The following APBB2 variants were observed in gnomAD, a reference collection of about 807,000 sequenced individuals.
APBB2 encodes the protein amyloid beta precursor protein binding family B member 2.
A neutral mutation model predicts 82.5 loss-of-function variants in APBB2; 38 were observed. The ratio of observed to expected loss-of-function variants is 0.46; its 90% confidence interval spans 0.36 to 0.60. APBB2 has a LOEUF of 0.60. Among genes scored for constraint, APBB2 ranks in the 20% least tolerant of loss-of-function variants. APBB2 has a pLI of 0.00. For missense variants in APBB2, 772 were observed against 972.3 expected, an observed-to-expected ratio of 0.79 and a Z score of 2.74; for synonymous variants, 341 against 368.2, an observed-to-expected ratio of 0.93 and a Z score of 0.85.
At chr4:40,821,788 G>T (rs560933736) in intron 17 of APBB2, 83 bp downstream of exon 17, 13 of 1,487,048 alleles carry the variant, frequency 8.7e-6, no homozygotes, top group East Asian at 2.3e-5. Context: ...TTTCATTTCC[G>T]TGAGTGATTC....
chr4:40,946,445 C>T (rs115738117), intron 6 of APBB2, among the ~76,000 whole-genome samples: 2,170 of 136,754 alleles, frequency 0.016, 47 homozygotes, highest in African/African-American at 0.051. Context: ...TTAAACACTG[C>T]GATGGCCAAA....
intron 5 of APBB2, among the ~76,000 whole-genome samples, chr4:41,029,363 C>T (rs1341060854): frequency 6.6e-6 from 1 of 152,174 alleles, no homozygotes. Context: ...ACAAAAGAGG[C>T]AAAAGTTATC....
chr4:40,865,964 TG>T (rs1163784189), intron 12 of APBB2, among the ~76,000 whole-genome samples: 1 of 152,218 alleles, frequency 6.6e-6, no homozygotes, highest in Non-Finnish European at 1.5e-5. Context: ...TGCCAACTGC[TG>T]GTGAGGATGC....
chr4:41,104,175 T>C (rs562375907), intron 2 of APBB2, among the ~76,000 whole-genome samples: 205 of 152,342 alleles, frequency 1.3e-3, no homozygotes, highest in African/African-American at 4.8e-3. Context: ...AACTTCCAGT[T>C]TGAGGAGTTT....
Position 41,110,277 on chromosome 4 carries a change from G to A in APBB2, c.-260-9527C>T, listed in dbSNP as rs148189579. ...TGAAATGATTACACATGGCACAGTC[G>A]TGTTTCTCAACAAGGTTGTCGTACC... is the stretch of plus-strand genomic sequence containing the variant. On this transcript the variant is annotated intron_variant, in intron 2 of 17. Coordinates refer to ENST00000508593, the MANE Select transcript of APBB2 (RefSeq NM_004307.2). 1.8e-3 allele frequency among the ~76,000 whole-genome samples: 274 copies of A among 152,300 alleles called. 1 individual carries two copies. The highest frequency in any genetic ancestry group is 6.3e-3 in the African/African-American group (263 of 41,556).
In APBB2 at chr4:41,023,015, T is replaced by C. The variant is rs1405463205; in HGVS notation, c.20-8617A>G. 3.3e-5 allele frequency among the ~76,000 whole-genome samples: 5 copies of C among 152,218 alleles called. No homozygotes were observed. In the East Asian group the frequency reaches 7.7e-4, roughly 23 times the overall value. ...GTTAAAATAAAATCCTTTAATATAA[T>C]GTATAGACCAATTTATCTTGCTCCT... On this transcript the variant is annotated intron_variant, in intron 5 of 17. Coordinates refer to ENST00000508593, the MANE Select transcript of APBB2 (RefSeq NM_004307.2).
At chr4:41,140,766 C>G (rs1011421222) in intron 2 of APBB2, among the ~76,000 whole-genome samples, 12 of 152,250 alleles carry the variant, frequency 7.9e-5, no homozygotes, top group Admixed American at 5.9e-4. Flanking sequence ...CTCATAGGAA[C>G]GCAAATGCTA....
chr4:41,126,565 T>C (rs746464934), intron 2 of APBB2, among the ~76,000 whole-genome samples: 2 of 152,198 alleles, frequency 1.3e-5, no homozygotes, highest in African/African-American at 2.4e-5. Context: ...GATGCTAAAA[T>C]AGCCTGGGCT....
intron 10 of APBB2, among the ~76,000 whole-genome samples, chr4:40,930,443 G>GTC (rs1783838502): frequency 1.1e-4 from 3 of 28,160 alleles, no homozygotes; most frequent in African/African-American, 3.0e-4. Context: ...GTGTGTGTGT[G>GTC]TGTGTGCGCG....
At chr4:41,172,597 C>T (rs1294974210) in intron 1 of APBB2, among the ~76,000 whole-genome samples, 6 of 152,260 alleles carry the variant, frequency 3.9e-5, no homozygotes, top group African/African-American at 9.6e-5. Context: ...AACTCTCATA[C>T]GCCAATGCCT....
intron 1 of APBB2, among the ~76,000 whole-genome samples, chr4:41,185,650 G>T (rs895266958): frequency 6.6e-6 from 1 of 151,858 alleles, no homozygotes; most frequent in African/African-American, 2.4e-5. Context: ...CAGAGAATTG[G>T]CCTTCACTTT....
intron 3 of APBB2, among the ~76,000 whole-genome samples, chr4:41,100,126 T>C (rs923009612): frequency 2.6e-5 from 4 of 151,996 alleles, no homozygotes; most frequent in Non-Finnish European, 5.9e-5. Flanking sequence ...AACTGGGAGG[T>C]GCATCAATTC....
chr4:40,921,452 C>T (rs1041665525), intron 10 of APBB2, among the ~76,000 whole-genome samples: 12 of 152,196 alleles, frequency 7.9e-5, no homozygotes, highest in Non-Finnish European at 1.3e-4. Context: ...GACCAGCACA[C>T]GGCTGGACCT....
Position 41,014,358 on chromosome 4 carries a change from G to C in APBB2, c.60C>G (p.Ser20Arg). ...GVDTLAVFMA[S>R]SGTTDVTNRN... ...GATTTGTGACGTCTGTAGTTCCGCT[G>C]CTGGCCATAAACACTGCCAAGGTGT... Residue 20 changes from serine to arginine, a missense_variant, in exon 6 of 18, where the codon AGC (serine) becomes AGG (arginine). Coordinates refer to ENST00000508593, the MANE Select transcript of APBB2 (RefSeq NM_004307.2). 6.2e-7 allele frequency: 1 copy of C among 1,614,106 alleles called. No individual in the cohort carries two copies. Among genetic ancestry groups the C allele is most frequent in the East Asian group, 2.2e-5 (1 of 44,880 alleles).
chr4:41,169,871 G>A (rs1292646621), intron 1 of APBB2, among the ~76,000 whole-genome samples: 5 of 151,362 alleles, frequency 3.3e-5, no homozygotes, highest in African/African-American at 1.2e-4. Flanking sequence ...TTTTTTTTAA[G>A]AAGATAAGAT....
intron 3 of APBB2, among the ~76,000 whole-genome samples, chr4:41,086,697 A>G (rs1028771968): frequency 6.6e-6 from 1 of 152,238 alleles, no homozygotes; most frequent in African/African-American, 2.4e-5. Flanking sequence ...TGAAAAGCCC[A>G]CAGCTAATAG....
intron 6 of APBB2, among the ~76,000 whole-genome samples, chr4:40,972,756 C>T (rs867862028): frequency 1.3e-5 from 2 of 152,282 alleles, no homozygotes; most frequent in African/African-American, 4.8e-5. Flanking sequence ...AGTAACGAAT[C>T]CCATGAAGTT....
intron 10 of APBB2, among the ~76,000 whole-genome samples, chr4:40,912,580 A>AAAG (rs774485104): frequency 1.6e-4 from 24 of 146,092 alleles, no homozygotes; most frequent in Non-Finnish European, 3.5e-4. Flanking sequence ...CCTTCTCATA[A>AAAG]AAAAAAAAAA....
At chr4:40,857,150 C>A (rs1318883415) in intron 12 of APBB2, 2 of 985,368 alleles carry the variant, frequency 2.0e-6, no homozygotes, top group Non-Finnish European at 2.4e-6. Context: ...GCCCCGGGCT[C>A]AAGTTGAAGA....
Sources: allele counts gnomAD v4.1 joint callset (sites outside exome capture counted in the v4.1 genomes callset), GRCh38; gene constraint gnomAD v4.1.1; transcripts MANE v1.5; gene names NCBI Gene and HGNC (gene_info 2026-07-23, HGNC 2026-07-21).